Variants in TES observed in about 807,000 individuals in gnomAD.
The protein encoded by TES is testin.
In TES, 41 loss-of-function variants were observed where a neutral mutation model predicts 48.2. That is an observed-to-expected ratio of 0.85 (90% confidence interval 0.66 to 1.10). TES has a LOEUF of 1.10. Ranked by LOEUF, TES falls within the 50% of genes least tolerant of loss-of-function variation. The pLI, the probability that TES is intolerant of heterozygous loss-of-function variation, is 0.00. For missense variants in TES, 463 were observed against 515.1 expected, an observed-to-expected ratio of 0.90 and a Z score of 0.98; for synonymous variants, 162 against 174.9, an observed-to-expected ratio of 0.93 and a Z score of 0.58.
intron 2 of TES, among the ~76,000 whole-genome samples, chr7:116,248,658 CTTATAGA>C (rs1225934847): frequency 6.6e-6 from 1 of 151,992 alleles, no homozygotes; most frequent in African/African-American, 2.4e-5. Flanking sequence ...TGAATTGTTC[CTTATAGA>C]TTCTGAATAT....
intron 1 of TES, among the ~76,000 whole-genome samples, chr7:116,213,597 TACCAGTTAAA>T (rs1220839449): frequency 2.0e-5 from 3 of 152,218 alleles, no homozygotes; most frequent in Admixed American, 1.3e-4. Flanking sequence ...TGGGATTAAT[TACCAGTTAAA>T]ACCCACCATC....
intron 2 of TES, among the ~76,000 whole-genome samples, chr7:116,235,765 C>T (rs376688237): frequency 6.6e-6 from 1 of 152,172 alleles, no homozygotes; most frequent in Non-Finnish European, 1.5e-5. Flanking sequence ...TTCTGTACTA[C>T]AGATTTCCAC....
At chr7:116,226,235 G>A (rs1275884508) in intron 1 of TES, among the ~76,000 whole-genome samples, 3 of 152,188 alleles carry the variant, frequency 2.0e-5, no homozygotes, top group African/African-American at 7.2e-5. Flanking sequence ...GCAGGTACTA[G>A]GAGTTCAAAT....
chr7:116,234,621 T>A lies in TES; in HGVS notation c.113+2T>A. The A allele has an allele frequency of 3.1e-6, 5 of 1,613,098 alleles. No homozygotes were observed. The highest frequency in any genetic ancestry group is 4.2e-6 in the Non-Finnish European group (5 of 1,179,200). On this transcript the variant is annotated splice_donor_variant, in intron 2 of 6. Coordinates refer to ENST00000358204, the MANE Select transcript of TES (RefSeq NM_015641.4). LOFTEE classifies it high-confidence loss of function. Reference sequence around the variant, plus strand: ...AGGATTCGAACTGCACTTCTGGAGGTATTGTTTTGAAAACTGCAACCACAT... The same window carrying A: ...AGGATTCGAACTGCACTTCTGGAGGAATTGTTTTGAAAACTGCAACCACAT...
In TES at chr7:116,254,758, A is replaced by ATGTGTGTGTG. The variant is rs202115399; in HGVS notation, c.1077+2312_1077+2321dup. Among the ~76,000 whole-genome samples, 25 of 116,804 alleles carry ATGTGTGTGTG rather than the reference A, an allele frequency of 2.1e-4. No homozygotes were observed. In the Middle Eastern group the frequency reaches 0.016, roughly 74 times the overall value. The allele number at this position is 116,804 out of a possible 152,430, so 76.6% of individuals were successfully genotyped here. On this transcript the variant is annotated intron_variant, in intron 6 of 6. Coordinates refer to ENST00000358204, the MANE Select transcript of TES (RefSeq NM_015641.4). ...TCCGTCTCAAAAAAAATATATATAT[A>ATGTGTGTGTG]TGTGTGTGTGTGTGTGTGTGTGTGT...
At chr7:116,225,621 A>G (rs1799612884) in intron 1 of TES, among the ~76,000 whole-genome samples, 1 of 152,344 alleles carries the variant, frequency 6.6e-6, no homozygotes, top group East Asian at 1.9e-4. Context: ...ATAGAGATGC[A>G]TACAGGGCTT....
intron 2 of TES, among the ~76,000 whole-genome samples, chr7:116,246,353 C>G (rs892280361): frequency 3.3e-5 from 5 of 152,228 alleles, no homozygotes; most frequent in Admixed American, 6.5e-5. Context: ...TAGCTTGTCT[C>G]CCTATTGCCA....
At position 116,251,752 on chromosome 7, in the gene TES, C is replaced by A; in HGVS notation, c.703-8C>A. 1 of 1,613,412 alleles carries A rather than the reference C, an allele frequency of 6.2e-7. No homozygotes were observed. Reference sequence around the variant, plus strand: ...TGACTAGGTTGTTCTGGATGGCTTCCCTTTCAGTCCTGCTATTGCTGCAAA... The same window carrying A: ...TGACTAGGTTGTTCTGGATGGCTTCACTTTCAGTCCTGCTATTGCTGCAAA... On this transcript the variant is annotated splice_polypyrimidine_tract_variant and splice_region_variant and intron_variant, in intron 4 of 6. Transcript: ENST00000358204.
In TES at chr7:116,257,375, G is replaced by C. The variant is rs1238695896; in HGVS notation, c.1159G>C (p.Glu387Gln). Residue 387 changes from glutamate (E) to glutamine (Q), a missense_variant, in exon 7 of 7, where the codon GAG becomes CAG. Physicochemically the swap from Glu to Gln is conservative, Grantham distance 29. Coordinates refer to ENST00000358204, the MANE Select transcript of TES (RefSeq NM_015641.4). ...YNNFSWHAST[E>Q]CFLCSCCSKC... ...CAATTTCAGCTGGCATGCATCCACA[G>C]AGTGCTTTCTGTGCTCTTGCTGCAG... 1 of 1,614,062 alleles carries C rather than the reference G, an allele frequency of 6.2e-7. No individual in the cohort carries two copies. Among genetic ancestry groups the C allele is most frequent in the East Asian group, 2.2e-5 (1 of 44,870 alleles).
intron 1 of TES, among the ~76,000 whole-genome samples, chr7:116,230,541 G>A (rs1487691647): frequency 6.6e-6 from 1 of 152,168 alleles, no homozygotes; most frequent in Non-Finnish European, 1.5e-5. Context: ...GCTTCTGCTA[G>A]CAGAGCTTGA....
chr7:116,248,782 A>C (rs1799961336), intron 2 of TES, among the ~76,000 whole-genome samples: 1 of 152,002 alleles, frequency 6.6e-6, no homozygotes, highest in South Asian at 2.1e-4. Context: ...CTTCAGTTTA[A>C]TTGGGTCCCT....
chr7:116,237,385 G>A (rs377496355), intron 2 of TES, among the ~76,000 whole-genome samples: 10 of 152,272 alleles, frequency 6.6e-5, no homozygotes, highest in African/African-American at 2.4e-4. Flanking sequence ...AGAACCCTCA[G>A]TAGTTTCCCA....
chr7:116,210,561 A>C lies in TES; in HGVS notation c.-147A>C. 1 of 885,166 alleles carries C rather than the reference A, an allele frequency of 1.1e-6. No individual in the cohort carries two copies. The highest frequency in any genetic ancestry group is 1.5e-6 in the Non-Finnish European group (1 of 661,028). The allele number at this position is 885,166 out of a possible 1,614,324, so 54.8% of individuals were successfully genotyped here. The stretch of plus-strand genomic sequence containing the variant: ...CCCGCTGCGGCGGACTGGGCGGCGG[A>C]AGTTCGACGGCGCCGGGCGAGTGGC... On this transcript the variant is annotated 5_prime_UTR_variant, in exon 1 of 7. Transcript: ENST00000358204.
At chr7:116,227,043 AT>A (rs1336230790) in intron 1 of TES, among the ~76,000 whole-genome samples, 1 of 152,024 alleles carries the variant, frequency 6.6e-6, no homozygotes, top group African/African-American at 2.4e-5. Context: ...ATGTGCAACT[AT>A]TTTTATATTT....
At position 116,248,227 on chromosome 7, in the gene TES, G is replaced by A. The variant is rs549039781; in HGVS notation, c.114-793G>A. On this transcript the variant is annotated intron_variant, in intron 2 of 6. Coordinates refer to ENST00000358204, the MANE Select transcript of TES (RefSeq NM_015641.4). ...TTTATCCAGTCTACCATTGATGGGC[G>A]TCTAGGTTGATTCCACCATGTCTTT... Among the ~76,000 whole-genome samples, 211 of 152,106 alleles carry A rather than the reference G, an allele frequency of 1.4e-3. 1 individual carries two copies. The highest frequency in any genetic ancestry group is 2.5e-3 in the Non-Finnish European group (168 of 67,946).
At chr7:116,256,920 A>G (rs992708708) in intron 6 of TES, among the ~76,000 whole-genome samples, 4 of 152,230 alleles carry the variant, frequency 2.6e-5, no homozygotes, top group African/African-American at 9.6e-5. Flanking sequence ...TACCACTTCA[A>G]AGCTTTAATG....
At chr7:116,210,793 C>A (rs1219473099) in intron 1 of TES, 59 bp downstream of exon 1, 6 of 1,226,482 alleles carry the variant, frequency 4.9e-6, no homozygotes, top group African/African-American at 1.6e-5. Context: ...GCGCGGCGCG[C>A]GGCGGCCGGA....
rs777405766 is a variant in TES at position 116,249,135 on chromosome 7, G to A, written c.229G>A (p.Ala77Thr). ...FEDTKYTTLIAKLKSDGIPMY... is the reference protein window; with the variant it reads ...FEDTKYTTLITKLKSDGIPMY... Reference sequence around the variant, plus strand: ...AGACACCAAGTATACCACTCTGATTGCAAAACTAAAGTCAGATGGAATTCC... The same window carrying A: ...AGACACCAAGTATACCACTCTGATTACAAAACTAAAGTCAGATGGAATTCC... The change falls in exon 3 of 7, where the codon GCA (alanine) becomes ACA (threonine). Residue 77 changes from alanine (A) to threonine (T), a missense_variant. By Grantham distance (58) the Ala-to-Thr change is moderately conservative (BLOSUM62 0). Transcript: ENST00000358204. The A allele has an allele frequency of 5.8e-5, 93 of 1,613,922 alleles. 1 individual carries two copies. In the Admixed American group the frequency reaches 1.5e-3, roughly 26 times the overall value.
chr7:116,216,548 T>C (rs1528246), intron 1 of TES, among the ~76,000 whole-genome samples: 96,962 of 151,738 alleles, frequency 0.64, 31,254 homozygotes, highest in African/African-American at 0.71. Flanking sequence ...TAGTCTACCA[T>C]GTGTAATGTT....
Sources: allele counts gnomAD v4.1 joint callset (sites outside exome capture counted in the v4.1 genomes callset), GRCh38; gene constraint gnomAD v4.1.1; transcripts MANE v1.5; gene names NCBI Gene and HGNC (gene_info 2026-07-23, HGNC 2026-07-21).